Variants in EPHA6 observed in about 807,000 individuals in gnomAD.
EPHA6 encodes EPH receptor A6.
A neutral mutation model predicts 112.0 loss-of-function variants in EPHA6; 50 were observed. That is an observed-to-expected ratio of 0.45 (90% confidence interval 0.36 to 0.56). The LOEUF is 0.56. Among genes scored for constraint, EPHA6 ranks in the 20% least tolerant of loss-of-function variants. The pLI is 0.00. For missense variants in EPHA6, 1,280 were observed against 1,417.4 expected (o/e 0.90, Z 1.56); for synonymous variants, 529 against 490.7 (o/e 1.08, Z -1.03).
In EPHA6 at chr3:97,258,249, T is replaced by TAC. The variant is rs748780481; in HGVS notation, c.1606+13963_1606+13964insCA. Among the ~76,000 whole-genome samples the TAC allele has an allele frequency of 1.6e-3, 244 of 148,550 alleles. 1 individual carries two copies. Among genetic ancestry groups the TAC allele is most frequent in the African/African-American group, 5.9e-3 (227 of 38,340 alleles). On this transcript the variant is annotated intron_variant, in intron 5 of 17. Coordinates refer to ENST00000389672, the MANE Select transcript of EPHA6 (RefSeq NM_001080448.3). ...AGGTGATTGTGTATGAGTATATATA[T>TAC]ATACACACACACACACACACACACA...
intron 10 of EPHA6, among the ~76,000 whole-genome samples, chr3:97,513,663 A>C (rs2092401648): frequency 6.9e-6 from 1 of 144,320 alleles, no homozygotes; most frequent in Non-Finnish European, 1.5e-5. Context: ...TGGTTACTAG[A>C]GACTGGGGAG....
chr3:96,953,813 G>A (rs1420873475), intron 2 of EPHA6, among the ~76,000 whole-genome samples: 1 of 151,898 alleles, frequency 6.6e-6, no homozygotes, highest in African/African-American at 2.4e-5. Flanking sequence ...AAATGGAATT[G>A]TTATCTGTAC....
intron 3 of EPHA6, among the ~76,000 whole-genome samples, chr3:97,222,167 C>T (rs1161393510): frequency 6.6e-6 from 1 of 151,950 alleles, no homozygotes; most frequent in African/African-American, 2.4e-5. Context: ...GCTGAGATAA[C>T]ACTCGACACA....
chr3:97,735,130 A>G (rs1027758330), intron 15 of EPHA6, among the ~76,000 whole-genome samples: 1 of 151,990 alleles, frequency 6.6e-6, no homozygotes, highest in African/African-American at 2.4e-5. Flanking sequence ...AAAGTAACTG[A>G]AGTTGAAAAT....
chr3:97,434,854 CTT>C (rs1275453844), intron 6 of EPHA6, among the ~76,000 whole-genome samples: 2 of 151,954 alleles, frequency 1.3e-5, no homozygotes, highest in Non-Finnish European at 2.9e-5. Flanking sequence ...TCATCATACT[CTT>C]TCTCTCTCTC....
chr3:97,106,433 T>C (rs1475341998), intron 3 of EPHA6, among the ~76,000 whole-genome samples: 3 of 152,052 alleles, frequency 2.0e-5, no homozygotes, highest in Admixed American at 2.0e-4. Context: ...AAAATAATAG[T>C]GAGCAAATAT....
At chr3:97,330,891 T>G (rs577232341) in intron 5 of EPHA6, among the ~76,000 whole-genome samples, 1 of 152,164 alleles carries the variant, frequency 6.6e-6, no homozygotes, top group East Asian at 1.9e-4. Flanking sequence ...CTGCACCAAG[T>G]GGACCTAATA....
intron 2 of EPHA6, among the ~76,000 whole-genome samples, chr3:96,893,876 A>G (rs1282033763): frequency 6.6e-6 from 1 of 152,228 alleles, no homozygotes; most frequent in Non-Finnish European, 1.5e-5. Flanking sequence ...TGTTCATTAC[A>G]TGATGGAAAA....
Position 97,054,916 on chromosome 3 carries a change from C to T in EPHA6, c.1114+66923C>T, listed in dbSNP as rs115181234. ...ATGATACCTTCACTTTCTTCCATTGCCCTCTCTACCATTTAAAATTTTTGT... is the reference window on the plus strand; with the variant it reads ...ATGATACCTTCACTTTCTTCCATTGTCCTCTCTACCATTTAAAATTTTTGT... On this transcript the variant is annotated intron_variant, in intron 3 of 17. Coordinates refer to ENST00000389672, the MANE Select transcript of EPHA6 (RefSeq NM_001080448.3). Among the ~76,000 whole-genome samples the T allele has an allele frequency of 3.0e-3, 449 of 152,048 alleles. 4 individuals are homozygous for T. The highest frequency in any genetic ancestry group is 9.8e-3 in the African/African-American group (406 of 41,504).
chr3:97,527,562 C>A (rs528539616), intron 10 of EPHA6, among the ~76,000 whole-genome samples: 1 of 152,196 alleles, frequency 6.6e-6, no homozygotes, highest in Admixed American at 6.5e-5. Context: ...ATGGAGACAG[C>A]CAAACACACA....
intron 12 of EPHA6, among the ~76,000 whole-genome samples, chr3:97,603,084 C>T (rs1020396724): frequency 1.3e-5 from 2 of 151,944 alleles, no homozygotes; most frequent in African/African-American, 2.4e-5. Context: ...TCAAGAAAGA[C>T]ATTCTTAAAA....
intron 14 of EPHA6, among the ~76,000 whole-genome samples, chr3:97,677,317 C>G (rs1238549080): frequency 6.6e-6 from 1 of 151,964 alleles, no homozygotes; most frequent in East Asian, 1.9e-4. Flanking sequence ...TTTAATTTTA[C>G]CTTTTTCTGT....
chr3:97,580,627 G>A (rs572904137), intron 11 of EPHA6, among the ~76,000 whole-genome samples: 1 of 152,288 alleles, frequency 6.6e-6, no homozygotes, highest in East Asian at 1.9e-4. Context: ...GCTGGAAGAT[G>A]TGAATGGAGA....
At chr3:97,167,210 T>C (rs1214189670) in intron 3 of EPHA6, among the ~76,000 whole-genome samples, 4 of 152,194 alleles carry the variant, frequency 2.6e-5, no homozygotes, top group African/African-American at 9.6e-5. Flanking sequence ...ATGGAAAATA[T>C]GGGTTTGATA....
At chr3:97,193,050 T>G (rs1355243360) in intron 3 of EPHA6, among the ~76,000 whole-genome samples, 1 of 152,134 alleles carries the variant, frequency 6.6e-6, no homozygotes, top group African/African-American at 2.4e-5. Flanking sequence ...AGTTCTGTAG[T>G]ATAACCTGGA....
chr3:96,837,912 T>C (rs1383851325), intron 1 of EPHA6, among the ~76,000 whole-genome samples: 2 of 152,074 alleles, frequency 1.3e-5, no homozygotes, highest in African/African-American at 4.8e-5. Context: ...ATATGCAGGA[T>C]GTGCAGGTTT....
intron 3 of EPHA6, among the ~76,000 whole-genome samples, chr3:97,172,841 A>G (rs1258033605): frequency 6.6e-6 from 1 of 151,988 alleles, no homozygotes; most frequent in Admixed American, 6.6e-5. Context: ...GACCGGTTAC[A>G]AAGCACAACC....
intron 2 of EPHA6, among the ~76,000 whole-genome samples, chr3:96,912,620 C>G (rs1250468963): frequency 6.6e-6 from 1 of 152,134 alleles, no homozygotes; most frequent in Non-Finnish European, 1.5e-5. Context: ...AGGGGGTTCA[C>G]TCTGTCGTTC....
chr3:97,479,975 C>G (rs1214117086), intron 9 of EPHA6, among the ~76,000 whole-genome samples: 1 of 152,146 alleles, frequency 6.6e-6, no homozygotes, highest in Non-Finnish European at 1.5e-5. Context: ...ACTACTTCAG[C>G]AAGACAGTTT....
Sources: allele counts gnomAD v4.1 joint callset (sites outside exome capture counted in the v4.1 genomes callset), GRCh38; gene constraint gnomAD v4.1.1; transcripts MANE v1.5; gene names NCBI Gene and HGNC (gene_info 2026-07-23, HGNC 2026-07-21).